Variants in RAD18 observed in about 807,000 individuals in gnomAD.
The protein encoded by RAD18 is RAD18 E3 ubiquitin protein ligase, also known as E3 ubiquitin-protein ligase RAD18.
Under a neutral mutation model 60.4 loss-of-function variants are expected in RAD18, and 47 were observed. That is an observed-to-expected ratio of 0.78 (90% CI 0.62 to 0.99). RAD18 has a LOEUF of 0.99. Ranked by LOEUF, RAD18 falls within the 50% of genes least tolerant of loss-of-function variation. The pLI is 0.00. For missense variants in RAD18, 640 were observed against 593.3 expected (o/e 1.08, Z -0.82); for synonymous variants, 225 against 195.5 (o/e 1.15, Z -1.26).
Position 8,915,873 on chromosome 3 carries a change from G to A in RAD18, c.890-2153C>T, listed in dbSNP as rs571035976. On this transcript the variant is annotated intron_variant, in intron 7 of 12. Coordinates refer to ENST00000264926, the MANE Select transcript of RAD18 (RefSeq NM_020165.4). ...GCTGGGATTACAGGCGTGAGCCACC[G>A]CACCTGGCCTTGCAGGCTATTTTCT... is the stretch of plus-strand genomic sequence containing the variant. Among the ~76,000 whole-genome samples the A allele has an allele frequency of 1.9e-4, 29 of 152,208 alleles. No homozygotes were observed. In the South Asian group the frequency reaches 2.9e-3, roughly 15 times the overall value.
At chr3:8,909,677 C>G (rs1234397417) in intron 9 of RAD18, among the ~76,000 whole-genome samples, 1 of 152,064 alleles carries the variant, frequency 6.6e-6, no homozygotes, top group East Asian at 1.9e-4. Context: ...AATTATCAAT[C>G]AATAATAAAC....
intron 12 of RAD18, among the ~76,000 whole-genome samples, chr3:8,886,856 T>G (rs577665861): frequency 6.6e-6 from 1 of 152,236 alleles, no homozygotes; most frequent in Non-Finnish European, 1.5e-5. Flanking sequence ...AAGCCACAGT[T>G]GTGGGGTAGG....
intron 12 of RAD18, among the ~76,000 whole-genome samples, chr3:8,881,870 C>G (rs1364086478): frequency 1.3e-5 from 2 of 152,212 alleles, no homozygotes. Flanking sequence ...GAAAAATATG[C>G]CCCTCCAAAG....
At chr3:8,947,147 G>T in intron 4 of RAD18, 73 bp downstream of exon 4, 1 of 1,147,442 alleles carries the variant, frequency 8.7e-7, no homozygotes, top group South Asian at 1.3e-5. Flanking sequence ...TAATCCAAAG[G>T]TGCACAAAGT....
chr3:8,904,800 A>C (rs1235658938), intron 9 of RAD18, among the ~76,000 whole-genome samples: 2 of 152,212 alleles, frequency 1.3e-5, no homozygotes, highest in Non-Finnish European at 2.9e-5. Context: ...CTATTTTCCT[A>C]CTAAGGCCAT....
At chr3:8,893,726 G>A (rs1449346621) in intron 11 of RAD18, among the ~76,000 whole-genome samples, 11 of 128,136 alleles carry the variant, frequency 8.6e-5, no homozygotes, top group Non-Finnish European at 1.8e-4. Context: ...GAGACAGGGT[G>A]TTGCTCTGTC....
rs1940875526 is a variant in RAD18 at position 8,948,586 on chromosome 3, T to C, written c.134-16A>G. ...AGAGAGCAGTCTGCAAAACACAAAG[T>C]GCAACATAATGTTAATTAAGCTATA... On this transcript the variant is annotated splice_polypyrimidine_tract_variant and intron_variant, in intron 2 of 12. Transcript: ENST00000264926. The C allele has an allele frequency of 1.3e-6, 2 of 1,588,894 alleles. No individual in the cohort carries two copies. The highest frequency in any genetic ancestry group is 1.1e-5 in the South Asian group (1 of 89,846).
chr3:8,891,948 T>C (rs778297051), intron 11 of RAD18, among the ~76,000 whole-genome samples: 10 of 152,186 alleles, frequency 6.6e-5, no homozygotes, highest in Non-Finnish European at 1.0e-4. Flanking sequence ...GTTTCACAAA[T>C]AGGATTTTAC....
intron 7 of RAD18, among the ~76,000 whole-genome samples, chr3:8,933,882 A>G (rs1020138905): frequency 1.3e-5 from 2 of 152,262 alleles, no homozygotes; most frequent in African/African-American, 2.4e-5. Context: ...ATTACCAGAC[A>G]GCAAGACCTA....
chr3:8,910,860 C>CT (rs1399014069), intron 9 of RAD18, among the ~76,000 whole-genome samples: 2 of 152,056 alleles, frequency 1.3e-5, no homozygotes, highest in Non-Finnish European at 2.9e-5. Context: ...AGAAAAAATA[C>CT]TTTTTTATAA....
At chr3:8,938,324 A>C (rs946193088) in intron 6 of RAD18, among the ~76,000 whole-genome samples, 7 of 152,198 alleles carry the variant, frequency 4.6e-5, no homozygotes, top group Admixed American at 1.3e-4. Context: ...AACAGTATGA[A>C]TCTGACCCTC....
intron 9 of RAD18, among the ~76,000 whole-genome samples, chr3:8,906,375 T>G (rs1940001518): frequency 6.6e-6 from 1 of 152,102 alleles, no homozygotes; most frequent in Non-Finnish European, 1.5e-5. Context: ...TATGACCCTA[T>G]TTTTTTGCTC....
chr3:8,924,369 A>G (rs1940386337), intron 7 of RAD18, among the ~76,000 whole-genome samples: 1 of 147,204 alleles, frequency 6.8e-6, no homozygotes, highest in Non-Finnish European at 1.5e-5. Flanking sequence ...TAACTATCCT[A>G]AATATATATG....
chr3:8,898,630 A>G (rs1939841916), intron 11 of RAD18, among the ~76,000 whole-genome samples: 1 of 152,038 alleles, frequency 6.6e-6, no homozygotes, highest in Non-Finnish European at 1.5e-5. Context: ...ACTGTCTATC[A>G]TGCTTTCTTT....
intron 12 of RAD18, among the ~76,000 whole-genome samples, chr3:8,885,104 T>C (rs1478896587): frequency 1.3e-5 from 2 of 152,166 alleles, no homozygotes; most frequent in Non-Finnish European, 2.9e-5. Context: ...TCAGCCTGCT[T>C]CCAATACACA....
Position 8,881,412 on chromosome 3 carries a change from G to C in RAD18, c.1433C>G (p.Thr478Arg). Residue 478 changes from threonine to arginine, a missense_variant, in exon 13 of 13, where the codon ACA (threonine) becomes AGA (arginine). Transcript: ENST00000264926. ...AATCTCAGCACTTTCAGCGGCTCTT[G>C]TGCGGCGATTCTGTCTTGGACTTAT... ...TEISPRQNRR[T>R]RAAESAEIEP... 1 of 1,613,318 alleles carries C rather than the reference G, an allele frequency of 6.2e-7. No homozygotes were observed. Among genetic ancestry groups the C allele is most frequent in the Non-Finnish European group, 8.5e-7 (1 of 1,179,288 alleles).
intron 9 of RAD18, among the ~76,000 whole-genome samples, chr3:8,902,810 T>G (rs1939937596): frequency 6.6e-6 from 1 of 152,034 alleles, no homozygotes; most frequent in African/African-American, 2.4e-5. Context: ...GTGGACCATT[T>G]GTCAGGAGTT....
rs114642741 is a variant in RAD18, at chr3:8,910,577, C to T, written c.1027+1735G>A. On this transcript the variant is annotated intron_variant, in intron 9 of 12. Coordinates refer to ENST00000264926, the MANE Select transcript of RAD18 (RefSeq NM_020165.4). ...GAGCCAAGATAGCGCCACTGCACTC[C>T]TGGACAGAGCGAGCCTCCATCTCAA... is the stretch of plus-strand genomic sequence containing the variant. Among the ~76,000 whole-genome samples, 967 of 151,240 alleles carry T rather than the reference C, an allele frequency of 6.4e-3. 15 individuals are homozygous for T. Among genetic ancestry groups the T allele is most frequent in the African/African-American group, 0.022 (925 of 41,194 alleles).
chr3:8,934,023 T>G (rs564878431), intron 7 of RAD18, among the ~76,000 whole-genome samples: 3 of 152,228 alleles, frequency 2.0e-5, no homozygotes, highest in Non-Finnish European at 4.4e-5. Context: ...CCAAGACTTC[T>G]GGCAATTCAG....
Sources: gnomAD v4.1 joint callset for allele counts (sites outside exome capture counted in the v4.1 genomes callset) on GRCh38, gnomAD v4.1.1 for gene constraint, MANE v1.5 for transcripts, NCBI Gene and HGNC (gene_info 2026-07-23, HGNC 2026-07-21) for gene names.